TRIP11: variants seen among roughly 807,000 people sequenced by gnomAD.
TRIP11 encodes the protein thyroid receptor-interacting protein 11.
TRIP11 carries 148 observed loss-of-function variants against 223.1 expected under a neutral mutation model. That is an observed-to-expected ratio of 0.66 (90% CI 0.58 to 0.76). The LOEUF (loss-of-function observed/expected upper bound fraction) is 0.76. Among genes scored for constraint, TRIP11 ranks in the 30% least tolerant of loss-of-function variants. TRIP11 has a pLI of 0.00. For synonymous variants in TRIP11, 762 were observed against 772.6 expected (o/e 0.99, Z 0.23); for missense variants, 2,043 against 2,222.0 (o/e 0.92, Z 1.62).
intron 15 of TRIP11, 28 bp downstream of exon 15, chr14:91,993,781 C>A (rs767055159): frequency 6.5e-7 from 1 of 1,532,420 alleles, no homozygotes; most frequent in Non-Finnish European, 9.0e-7. Flanking sequence ...AATAATAAAA[C>A]CTACAAGAGA....
chr14:92,001,156 C>T (rs556173387), intron 11 of TRIP11, among the ~76,000 whole-genome samples: 3 of 152,176 alleles, frequency 2.0e-5, no homozygotes, highest in African/African-American at 4.8e-5. Context: ...CCACCATGCC[C>T]GGTCTACAGC....
At chr14:92,017,179 C>A (rs1310978240) in intron 5 of TRIP11, among the ~76,000 whole-genome samples, 1 of 151,772 alleles carries the variant, frequency 6.6e-6, no homozygotes, top group Non-Finnish European at 1.5e-5. Context: ...ATGTTCAAAA[C>A]CAAATGATTC....
In TRIP11 at chr14:92,005,083, T is replaced by C. The variant is rs1455108629; in HGVS notation, c.2893A>G (p.Ile965Val). ...TQLFLEKDEE[I>V]KSLQKTIEQI... is the part of the protein sequence containing the mutation. ...TCAATTGTTTTTTGCAAACTCTTAATTTCCTCATCCTTCTCTAAAAAGAGC... is the reference window on the plus strand; with the variant it reads ...TCAATTGTTTTTTGCAAACTCTTAACTTCCTCATCCTTCTCTAAAAAGAGC... The change falls in exon 11 of 21, where the codon ATT becomes GTT. Residue 965 changes from isoleucine to valine, a missense_variant. By Grantham distance (29) the Ile-to-Val change is conservative. Transcript: ENST00000267622. 3 of 1,613,952 alleles carry C rather than the reference T, an allele frequency of 1.9e-6. No individual in the cohort carries two copies. The highest frequency in any genetic ancestry group is 1.7e-5 in the Admixed American group (1 of 60,030).
chr14:92,011,163 C>T (rs2056967566), intron 8 of TRIP11, 91 bp from the exon 9 acceptor site: 2 of 1,159,242 alleles, frequency 1.7e-6, no homozygotes, highest in Non-Finnish European at 2.6e-6. Flanking sequence ...TGTTTCTATT[C>T]AGTATTTCTT....
intron 13 of TRIP11, among the ~76,000 whole-genome samples, chr14:91,997,703 T>C (rs1489915803): frequency 6.6e-6 from 1 of 151,742 alleles, no homozygotes; most frequent in African/African-American, 2.4e-5. Flanking sequence ...AGAAAGTGAG[T>C]AATACAGTTT....
chr14:92,031,093 TTTTATTTA>T (rs891590397), intron 2 of TRIP11, among the ~76,000 whole-genome samples: 1 of 151,496 alleles, frequency 6.6e-6, no homozygotes, highest in African/African-American at 2.4e-5. Context: ...CTACAAAAAA[TTTTATTTA>T]TTTATTTATT....
chr14:92,025,391 A>G lies in TRIP11; in HGVS notation c.231T>C (p.Asp77=), dbSNP rs1274694103. 4 of 1,613,028 alleles carry G rather than the reference A, an allele frequency of 2.5e-6. No individual in the cohort carries two copies. The highest frequency in any genetic ancestry group is 3.4e-6 in the Non-Finnish European group (4 of 1,179,872). Residue 77 remains aspartate (D), a synonymous_variant, in exon 3 of 21, where the codon GAT becomes GAC. Transcript: ENST00000267622. ...ENERLKKLCT[D]LEEKHEASEI... The stretch of plus-strand genomic sequence containing the variant: ...CTGATGCTTCATGTTTCTCTTCTAG[A>G]TCAGTACAAAGTTTCTTAAGCCTTT...
rs1471734534 is a variant in TRIP11 at position 91,976,160 on chromosome 14, C to T, written c.5290G>A (p.Val1764Ile). 5 of 1,612,374 alleles carry T rather than the reference C, an allele frequency of 3.1e-6. No individual in the cohort carries two copies. Among genetic ancestry groups the T allele is most frequent in the South Asian group, 1.1e-5 (1 of 91,044 alleles). The change falls in exon 17 of 21, where the codon GTA (valine) becomes ATA (isoleucine). Residue 1764 changes from valine to isoleucine, a missense_variant. By Grantham distance (29) the Val-to-Ile change is conservative. Coordinates refer to ENST00000267622, the MANE Select transcript of TRIP11 (RefSeq NM_004239.4). ...NELRQEMLDD[V>I]QKKLMSLANS... ...GCTAAGCTCATCAATTTCTTTTGTA[C>T]ATCATCCAGCATTTCTTGTCGGAGC...
chr14:92,007,451 CACA>C (rs1191489887), intron 10 of TRIP11, among the ~76,000 whole-genome samples, 186 bp downstream of exon 10: 3 of 152,180 alleles, frequency 2.0e-5, no homozygotes, highest in Non-Finnish European at 4.4e-5. Flanking sequence ...TTGTTGGTAT[CACA>C]ACAACAGAGT....
At chr14:92,032,429 AC>A (rs1237044067) in intron 2 of TRIP11, among the ~76,000 whole-genome samples, 3 of 152,066 alleles carry the variant, frequency 2.0e-5, no homozygotes, top group Non-Finnish European at 2.9e-5. Flanking sequence ...CAGATTACAG[AC>A]ATGAGCCACT....
At chr14:92,021,069 CAAA>C (rs1195189927) in intron 4 of TRIP11, among the ~76,000 whole-genome samples, 10 of 65,336 alleles carry the variant, frequency 1.5e-4, no homozygotes, top group East Asian at 6.3e-4. Flanking sequence ...GACTCTGTCT[CAAA>C]AAAAAAAAAA....
intron 18 of TRIP11, 46 bp from the exon 19 acceptor site, chr14:91,974,789 A>G: frequency 2.1e-6 from 3 of 1,427,520 alleles, no homozygotes; most frequent in East Asian, 2.4e-5. Flanking sequence ...GTACAAGAAA[A>G]AAAAAAAAAC....
In TRIP11 at chr14:91,975,162, G is replaced by A. The variant is rs781085529; in HGVS notation, c.5457+10C>T. The A allele has an allele frequency of 1.5e-5, 24 of 1,607,106 alleles. No individual in the cohort carries two copies. In the Admixed American group the frequency reaches 3.2e-4, roughly 21 times the overall value. Reference sequence around the variant, plus strand: ...TGAATGTGTTCAGATGGCTTTCATCGTCCAGTCACCTGCTCCATCTCCTCC... The same window carrying A: ...TGAATGTGTTCAGATGGCTTTCATCATCCAGTCACCTGCTCCATCTCCTCC... On this transcript the variant is annotated intron_variant, in intron 18 of 20. Coordinates refer to ENST00000267622, the MANE Select transcript of TRIP11 (RefSeq NM_004239.4).
Position 91,974,695 on chromosome 14 carries a change from G to A in TRIP11, c.5506C>T (p.Leu1836Phe). ...GGAACACTTTTTGATCCTCCTCCAA[G>A]CCACCCAGTCATCCACCTGGTAACA... ...GGVTRWMTGW[L>F]GGGSKSVPNT... The change falls in exon 19 of 21, where the codon CTT becomes TTT. Residue 1836 changes from leucine to phenylalanine, a missense_variant. Coordinates refer to ENST00000267622, the MANE Select transcript of TRIP11 (RefSeq NM_004239.4). 1 of 1,612,660 alleles carries A rather than the reference G, an allele frequency of 6.2e-7. No homozygotes were observed. Among genetic ancestry groups the A allele is most frequent in the Non-Finnish European group, 8.5e-7 (1 of 1,179,866 alleles).
chr14:92,006,268 C>T lies in TRIP11; in HGVS notation c.1708G>A (p.Ala570Thr). Residue 570 changes from alanine to threonine, a missense_variant, in exon 11 of 21, where the codon GCC (alanine) becomes ACC (threonine). Ala to Thr is a moderately conservative substitution (Grantham distance 58). Transcript: ENST00000267622. The stretch of plus-strand genomic sequence containing the variant: ...TTGGTTAAATGTAAATCATTTAGGG[C>T]CACTTCACTTTGAATTAGCTTTTCT... ...QKEKLIQSEV[A>T]LNDLHLTKQK... 3.1e-6 allele frequency: 5 copies of T among 1,611,480 alleles called. No individual in the cohort carries two copies. The highest frequency in any genetic ancestry group is 2.5e-6 in the Non-Finnish European group (3 of 1,179,120).
In TRIP11 at chr14:91,976,045, T is replaced by G. The variant is rs1474643597; in HGVS notation, c.5342+63A>C. On this transcript the variant is annotated intron_variant, in intron 17 of 20. Coordinates refer to ENST00000267622, the MANE Select transcript of TRIP11 (RefSeq NM_004239.4). ...ACATATAAACATCTACATTTAGAAG[T>G]TTTTTTTTAACCATAAAAGTGATTT... The G allele has an allele frequency of 1.3e-5, 19 of 1,442,542 alleles. No individual in the cohort carries two copies. The East Asian group carries it at 2.8e-4, about 21-fold the overall frequency. The allele number at this position is 1,442,542 out of a possible 1,614,324, so 89.4% of individuals were successfully genotyped here. A position where few individuals can be genotyped will look rare whatever the true frequency, so the allele number is the denominator to read the frequency against.
chr14:92,015,199 C>T (rs957690343), intron 6 of TRIP11, among the ~76,000 whole-genome samples: 1 of 152,140 alleles, frequency 6.6e-6, no homozygotes, highest in Non-Finnish European at 1.5e-5. Context: ...CCACCACTCC[C>T]GGCCACAGAA....
At chr14:91,993,699 T>C (rs1375447774) in intron 15 of TRIP11, 110 bp downstream of exon 15, 4 of 884,136 alleles carry the variant, frequency 4.5e-6, no homozygotes, top group Non-Finnish European at 7.2e-6. Context: ...GGATTCAGGG[T>C]AGAAAATTTA....
At chr14:91,976,625 T>A (rs75775822) in intron 16 of TRIP11, among the ~76,000 whole-genome samples, 2,840 of 152,284 alleles carry the variant, frequency 0.019, 54 homozygotes, top group South Asian at 0.082. Context: ...GTGAGCTGAC[T>A]AAGAAGCGTA....
Sources: allele counts gnomAD v4.1 joint callset (sites outside exome capture counted in the v4.1 genomes callset), GRCh38; gene constraint gnomAD v4.1.1; transcripts MANE v1.5; gene names NCBI Gene and HGNC (gene_info 2026-07-23, HGNC 2026-07-21).